Variants in SIDT1 observed in about 807,000 individuals in gnomAD.
The protein encoded by SIDT1 is SID1 transmembrane family, member 1.
In SIDT1, 101 loss-of-function variants were observed where a neutral mutation model predicts 107.5. That is an observed-to-expected ratio of 0.94 (90% CI 0.80 to 1.11). SIDT1 has a LOEUF of 1.11. Among genes scored for constraint, SIDT1 ranks in the 50% least tolerant of loss-of-function variants. The pLI is 0.00. For synonymous variants in SIDT1, 395 were observed against 398.2 expected, an observed-to-expected ratio of 0.99 and a Z score of 0.10; for missense variants, 1,076 against 1,058.2, an observed-to-expected ratio of 1.02 and a Z score of -0.23.
intron 1 of SIDT1, among the ~76,000 whole-genome samples, chr3:113,553,083 G>C (rs1279169877): frequency 6.6e-6 from 1 of 152,150 alleles, no homozygotes; most frequent in Non-Finnish European, 1.5e-5. Flanking sequence ...CATTAAAAGA[G>C]GAACATCTCC....
At chr3:113,586,005 C>T (rs1398063764) in intron 9 of SIDT1, among the ~76,000 whole-genome samples, 2 of 152,064 alleles carry the variant, frequency 1.3e-5, no homozygotes, top group Non-Finnish European at 2.9e-5. Flanking sequence ...TCTTCTTGAA[C>T]ATGTAAAGAA....
rs762000304 is a variant in SIDT1 at position 113,581,400 on chromosome 3, G to T, written c.703G>T (p.Gly235Cys). The T allele has an allele frequency of 4.3e-6, 7 of 1,613,608 alleles. No homozygotes were observed. Among genetic ancestry groups the T allele is most frequent in the Non-Finnish European group, 5.9e-6 (7 of 1,179,868 alleles). The stretch of plus-strand genomic sequence containing the variant: ...TCTCGACCACAATGTGGAATTTAAT[G>T]GTGTCTATCAGTCCATGACCAAGAA... ...YDLDHNVEFN[G>C]VYQSMTKKAA... Residue 235 changes from glycine (G) to cysteine (C), a missense_variant, in exon 6 of 25, where the codon GGT becomes TGT. Gly to Cys is a radical substitution (Grantham distance 159). Transcript: ENST00000264852.
At chr3:113,563,142 A>G (rs1941583177) in intron 1 of SIDT1, among the ~76,000 whole-genome samples, 1 of 152,216 alleles carries the variant, frequency 6.6e-6, no homozygotes, top group Admixed American at 6.5e-5. Flanking sequence ...AAGACAGTGG[A>G]TCTGTTGGTA....
At chr3:113,619,639 T>C in intron 20 of SIDT1, 41 bp from the exon 21 acceptor site, 1 of 1,581,032 alleles carries the variant, frequency 6.3e-7, no homozygotes, top group Non-Finnish European at 8.7e-7. Context: ...AAAAGTAGGC[T>C]GTGCAGCCTC....
chr3:113,587,745 G>C (rs536285735), intron 9 of SIDT1, among the ~76,000 whole-genome samples: 50 of 152,242 alleles, frequency 3.3e-4, no homozygotes, highest in African/African-American at 1.0e-3. Flanking sequence ...GCAATTTTAC[G>C]AAGAATTCAC....
rs768319366 is a variant in SIDT1 at position 113,623,701 on chromosome 3, T to C, written c.2275T>C (p.Tyr759His). The stretch of plus-strand genomic sequence containing the variant: ...CGCTGTGATGTGGGCTGCCGCCCTA[T>C]ATTTTTTCTTCCAGAATCTCAGCAG... ...ATAVMWAAALYFFFQNLSSWE... is the reference protein window; with the variant it reads ...ATAVMWAAALHFFFQNLSSWE... Residue 759 changes from tyrosine (Y) to histidine (H), a missense_variant, in exon 23 of 25, where the codon TAT becomes CAT. Transcript: ENST00000264852. 12 of 1,614,062 alleles carry C rather than the reference T, an allele frequency of 7.4e-6. No homozygotes were observed. The East Asian group carries it at 1.3e-4, about 18-fold the overall frequency.
chr3:113,622,655 A>G (rs1946547698), intron 21 of SIDT1, among the ~76,000 whole-genome samples: 1 of 152,288 alleles, frequency 6.6e-6, no homozygotes, highest in South Asian at 2.1e-4. Context: ...TGTCAAGCCA[A>G]TCATGGAGAT....
intron 16 of SIDT1, 40 bp from the exon 17 acceptor site, chr3:113,608,379 A>T: frequency 6.5e-7 from 1 of 1,545,848 alleles, no homozygotes; most frequent in Non-Finnish European, 8.9e-7. Context: ...TGGATATGGC[A>T]CTATTTAGTA....
intron 2 of SIDT1, 52 bp downstream of exon 2, chr3:113,566,593 T>A: frequency 3.2e-6 from 5 of 1,573,456 alleles, no homozygotes; most frequent in Non-Finnish European, 3.5e-6. Flanking sequence ...TTCTTCAATG[T>A]CCTAGAACTT....
intron 9 of SIDT1, among the ~76,000 whole-genome samples, chr3:113,589,246 C>T (rs141201529): frequency 1.4e-4 from 22 of 152,204 alleles, no homozygotes; most frequent in Non-Finnish European, 4.4e-5. Flanking sequence ...CAATCTAGCA[C>T]AGTCCTCATT....
At chr3:113,625,206 G>T (rs9863439) in intron 23 of SIDT1, among the ~76,000 whole-genome samples, 2 of 151,792 alleles carry the variant, frequency 1.3e-5, no homozygotes, top group Non-Finnish European at 2.9e-5. Context: ...GCGCAATCTC[G>T]GCTCACTGCA....
chr3:113,610,026 C>T (rs547021086), intron 17 of SIDT1, among the ~76,000 whole-genome samples: 1 of 152,106 alleles, frequency 6.6e-6, no homozygotes, highest in South Asian at 2.1e-4. Context: ...GTTCTGCAGC[C>T]TTTTTTCATT....
Position 113,581,444 on chromosome 3 carries a change from G to A in SIDT1, c.747G>A (p.Gln249=). The A allele has an allele frequency of 6.2e-7, 1 of 1,611,878 alleles. No individual in the cohort carries two copies. Among genetic ancestry groups the A allele is most frequent in the South Asian group, 1.1e-5 (1 of 91,040 alleles). Residue 249 remains glutamine, a splice_region_variant and synonymous_variant, in exon 6 of 25, where the codon CAG becomes CAA. Coordinates refer to ENST00000264852, the MANE Select transcript of SIDT1 (RefSeq NM_017699.3). ...CCAAGAAAGCTGCCATCACGCTACA[G>A]GTGAGGCATTGCTTCTGTGGGCATT... ...SMTKKAAITL[Q]KKDFPGEQFF... is the part of the protein sequence containing the mutation.
Position 113,622,463 on chromosome 3 carries a change from CAAAAAAAAA to C in SIDT1, c.2091-946_2091-938del, listed in dbSNP as rs765265068. On this transcript the variant is annotated intron_variant, in intron 21 of 24. Transcript: ENST00000264852. Reference sequence around the variant, plus strand: ...TGGGCAACACAGTGAGACTCCATCTCAAAAAAAAAAAAAAAAAAAAAAAAAACTATTTCA... The same window carrying C: ...TGGGCAACACAGTGAGACTCCATCTCAAAAAAAAAAAAAAAAACTATTTCA... Among the ~76,000 whole-genome samples the C allele has an allele frequency of 2.1e-4, 12 of 57,976 alleles. No individual in the cohort carries two copies. In the East Asian group the frequency reaches 2.3e-3, roughly 11 times the overall value. 38.0% of individuals were successfully genotyped at this position (57,976 alleles called of 152,430 possible). A position where few individuals can be genotyped will look rare whatever the true frequency, so the allele number is the denominator to read the frequency against.
In SIDT1 at chr3:113,612,103, C is replaced by T. The variant is rs772818348; in HGVS notation, c.1875C>T (p.Asp625=). Residue 625 remains aspartate, a synonymous_variant, in exon 19 of 25, where the codon GAC becomes GAT. Coordinates refer to ENST00000264852, the MANE Select transcript of SIDT1 (RefSeq NM_017699.3). ...ACTCCTAGGTGTTTGGAAAAAATGA[C>T]GTATGGTTCTGGGTCATCTTCTCTG... ...TVLGVVFGKN[D]VWFWVIFSAI... is the part of the protein sequence containing the mutation. 9.9e-6 allele frequency: 16 copies of T among 1,613,740 alleles called. No individual in the cohort carries two copies. The highest frequency in any genetic ancestry group is 2.7e-5 in the African/African-American group (2 of 74,860).
chr3:113,610,004 TTATC>T (rs1259174770), intron 17 of SIDT1, among the ~76,000 whole-genome samples: 22 of 152,344 alleles, frequency 1.4e-4, no homozygotes, highest in Admixed American at 3.9e-4. Context: ...TAATAGTAGT[TTATC>T]ATTCTGTGTT....
At chr3:113,574,355 A>T (rs1942729369) in intron 3 of SIDT1, among the ~76,000 whole-genome samples, 1 of 152,198 alleles carries the variant, frequency 6.6e-6, no homozygotes, top group Non-Finnish European at 1.5e-5. Context: ...GAAGGAGATA[A>T]CAGGGAATGA....
chr3:113,565,783 G>C (rs1484991861), intron 1 of SIDT1, among the ~76,000 whole-genome samples: 1 of 152,174 alleles, frequency 6.6e-6, no homozygotes, highest in African/African-American at 2.4e-5. Flanking sequence ...ATGATTTATT[G>C]TTGGTGGGAA....
At chr3:113,548,142 C>T (rs951643738) in intron 1 of SIDT1, among the ~76,000 whole-genome samples, 2 of 152,048 alleles carry the variant, frequency 1.3e-5, no homozygotes, top group Admixed American at 6.6e-5. Context: ...CTCATTGATA[C>T]CTTCTCTCCA....
Sources: gnomAD v4.1 joint callset for allele counts (sites outside exome capture counted in the v4.1 genomes callset) on GRCh38, gnomAD v4.1.1 for gene constraint, MANE v1.5 for transcripts, NCBI Gene and HGNC (gene_info 2026-07-23, HGNC 2026-07-21) for gene names.